The following HUS1B variants were observed in gnomAD, a reference collection of about 807,000 sequenced individuals.
HUS1B encodes checkpoint protein HUS1B.
For missense variants in HUS1B, 475 were observed against 390.4 expected, an observed-to-expected ratio of 1.22 and a Z score of -1.83; for synonymous variants, 207 against 176.2, an observed-to-expected ratio of 1.17 and a Z score of -1.38.
Position 656,179 on chromosome 6 carries a change from C to G in HUS1B, c.766G>C (p.Asp256His), listed in dbSNP as rs776657842. 6.2e-7 allele frequency: 1 copy of G among 1,614,106 alleles called. No individual in the cohort carries two copies. Among genetic ancestry groups the G allele is most frequent in the East Asian group, 2.2e-5 (1 of 44,878 alleles). ...HPTTALCNIW[D>H]NTLLQLVLVQ... Reference sequence around the variant, plus strand: ...AAAACAAGCTGAAGAAGAGTATTGTCCCAAATATTGCACAGGGCCGTCGTA... The same window carrying G: ...AAAACAAGCTGAAGAAGAGTATTGTGCCAAATATTGCACAGGGCCGTCGTA... The change falls in exon 1 of 1, where the codon GAC becomes CAC. Residue 256 changes from aspartate (D) to histidine (H), a missense_variant. Physicochemically the swap from Asp to His is moderately conservative, Grantham distance 81. Transcript: ENST00000380907.
chr6:656,780 C>T, the HUS1B span: 2 of 1,600,176 alleles, frequency 1.2e-6, no homozygotes, highest in South Asian at 2.2e-5. Context: ...GCACCTCGCA[C>T]CACAGCCTGG....
chr6:656,627 G>A lies in HUS1B; in HGVS notation c.318C>T (p.His106=). 6.2e-7 allele frequency: 1 copy of A among 1,605,246 alleles called. No individual in the cohort carries two copies. Among genetic ancestry groups the A allele is most frequent in the Non-Finnish European group, 8.5e-7 (1 of 1,176,036 alleles). ...CCACCGTGAGGGAGGGGCGGCGCTT[G>A]TGGGTCAGCTGCAGCTTCAGGGAGG... ...GASSLKLQLT[H]KRRPSLTVAV... The change falls in exon 1 of 1, where the codon CAC becomes CAT. Residue 106 remains histidine (H), a synonymous_variant. Transcript: ENST00000380907.
Position 656,500 on chromosome 6 carries a change from T to C in HUS1B, c.445A>G (p.Ser149Gly). 6.2e-7 allele frequency: 1 copy of C among 1,606,480 alleles called. No homozygotes were observed. Among genetic ancestry groups the C allele is most frequent in the East Asian group, 2.2e-5 (1 of 44,812 alleles). The change falls in exon 1 of 1, where the codon AGC (serine) becomes GGC (glycine). Residue 149 changes from serine to glycine, a missense_variant. Ser to Gly is a moderately conservative substitution (Grantham distance 56, BLOSUM62 0). Coordinates refer to ENST00000380907, the MANE Select transcript of HUS1B (RefSeq NM_148959.4). ...RRVWRDCLPP[S>G]LRASDASIRL... ...ATGCTCGCGTCGGAGGCGCGCAGGCTGGGCGGCAGGCAGTCCCGCCACACT... is the reference window on the plus strand; with the variant it reads ...ATGCTCGCGTCGGAGGCGCGCAGGCCGGGCGGCAGGCAGTCCCGCCACACT...
the HUS1B span, chr6:656,146 C>A: frequency 8.7e-6 from 14 of 1,613,718 alleles, no homozygotes; most frequent in Non-Finnish European, 1.2e-5. Context: ...GAGACATCTT[C>A]TTGAACCAAA....
chr6:657,004 T>G lies in HUS1B; in HGVS notation c.-60A>C. 1 of 1,372,970 alleles carries G rather than the reference T, an allele frequency of 7.3e-7. No individual in the cohort carries two copies. The highest frequency in any genetic ancestry group is 1.5e-5 in the South Asian group (1 of 66,366). 85.0% of individuals were successfully genotyped at this position (1,372,970 alleles called of 1,614,324 possible). On this transcript the variant is annotated 5_prime_UTR_variant, in exon 1 of 1. Coordinates refer to ENST00000380907, the MANE Select transcript of HUS1B (RefSeq NM_148959.4). ...GGGGATTCCGCGTGCCACAAGCCCT[T>G]CCGGTCCGCTGGGGTCCGTGGCGCT... is the stretch of plus-strand genomic sequence containing the variant.
rs575022583 is a variant in HUS1B at position 656,245 on chromosome 6, G to A, written c.700C>T (p.Arg234Trp). ...CCCTCCAAAAACTGCAGAAGCTTCC[G>A]ATTGTCCACCCGCACTTGCACCATG... is the stretch of plus-strand genomic sequence containing the variant. Reference protein sequence around the residue: ...ESMVQVRVDNRKLLQFLEGQQ... With the variant: ...ESMVQVRVDNWKLLQFLEGQQ... The change falls in exon 1 of 1, where the codon CGG becomes TGG. Residue 234 changes from arginine to tryptophan, a missense_variant. By Grantham distance (101) the Arg-to-Trp change is moderately radical. Coordinates refer to ENST00000380907, the MANE Select transcript of HUS1B (RefSeq NM_148959.4). The A allele has an allele frequency of 3.1e-6, 5 of 1,614,190 alleles. No homozygotes were observed. In the South Asian group the frequency reaches 4.4e-5, roughly 14 times the overall value.
Position 656,555 on chromosome 6 carries a change from G to C in HUS1B, c.390C>G (p.His130Gln). 6.3e-7 allele frequency: 1 copy of C among 1,596,500 alleles called. No individual in the cohort carries two copies. The highest frequency in any genetic ancestry group is 8.5e-7 in the Non-Finnish European group (1 of 1,172,436). ...TGGGAAGCACCCGCACGGGCAGATC[G>C]TGCACCACGCTGCGAGCGCGGCCCA... ...SSLGRARSVV[H>Q]DLPVRVLPRR... The change falls in exon 1 of 1, where the codon CAC becomes CAG. Residue 130 changes from histidine (H) to glutamine (Q), a missense_variant. By Grantham distance (24) the His-to-Gln change is conservative. Transcript: ENST00000380907.
In HUS1B at chr6:657,021, C is replaced by T. The variant is rs1274534381; in HGVS notation, c.-77G>A. Reference sequence around the variant, plus strand: ...CAAGCCCTTCCGGTCCGCTGGGGTCCGTGGCGCTGCCCTCCCCGCCCTCCC... The same window carrying T: ...CAAGCCCTTCCGGTCCGCTGGGGTCTGTGGCGCTGCCCTCCCCGCCCTCCC... On this transcript the variant is annotated 5_prime_UTR_variant, in exon 1 of 1. Transcript: ENST00000380907. The T allele has an allele frequency of 6.4e-6, 8 of 1,247,026 alleles. No homozygotes were observed. The highest frequency in any genetic ancestry group is 1.7e-5 in the South Asian group (1 of 59,576). 77.2% of individuals were successfully genotyped at this position (1,247,026 alleles called of 1,614,324 possible).
In HUS1B at chr6:656,456, C is replaced by T. The variant is rs1382611484; in HGVS notation, c.489G>A (p.Arg163=). Residue 163 remains arginine (R), a synonymous_variant, in exon 1 of 1, where the codon AGG becomes AGA. Transcript: ENST00000380907. ...SDASIRLPRW[R]TLRSIVERMA... Reference sequence around the variant, plus strand: ...TCCTCTCCACGATGCTCCTCAGCGTCCTCCAGCGCGGCAGGCGGATGCTCG... The same window carrying T: ...TCCTCTCCACGATGCTCCTCAGCGTTCTCCAGCGCGGCAGGCGGATGCTCG... 6.2e-7 allele frequency: 1 copy of T among 1,612,912 alleles called. No homozygotes were observed. Among genetic ancestry groups the T allele is most frequent in the Admixed American group, 1.7e-5 (1 of 60,020 alleles).
In HUS1B at chr6:656,140, C is replaced by G. The variant is rs1763066672; in HGVS notation, c.805G>C (p.Val269Leu). The G allele has an allele frequency of 6.2e-7, 1 of 1,612,820 alleles. No individual in the cohort carries two copies. Among genetic ancestry groups the G allele is most frequent in the Non-Finnish European group, 8.5e-7 (1 of 1,178,866 alleles). The change falls in exon 1 of 1, where the codon GTC becomes CTC. Residue 269 changes from valine to leucine, a missense_variant. Physicochemically the swap from Val to Leu is conservative, Grantham distance 32 (BLOSUM62 1). Transcript: ENST00000380907. ...GCAGGAATGAAATACTGAAGAGAGA[C>G]ATCTTCTTGAACCAAAACAAGCTGA... ...LLQLVLVQED[V>L]SLQYFIPAL
chr6:656,623 G>A lies in HUS1B; in HGVS notation c.322C>T (p.Arg108Cys). 5.6e-6 allele frequency: 9 copies of A among 1,603,896 alleles called. No individual in the cohort carries two copies. Among genetic ancestry groups the A allele is most frequent in the African/African-American group, 1.3e-5 (1 of 74,816 alleles). The part of the protein sequence containing the change: ...SSLKLQLTHK[R>C]RPSLTVAVEL... ...ACCGCCACCGTGAGGGAGGGGCGGCGCTTGTGGGTCAGCTGCAGCTTCAGG... is the reference window on the plus strand; with the variant it reads ...ACCGCCACCGTGAGGGAGGGGCGGCACTTGTGGGTCAGCTGCAGCTTCAGG... The change falls in exon 1 of 1, where the codon CGC (arginine) becomes TGC (cysteine). Residue 108 changes from arginine (R) to cysteine (C), a missense_variant. Physicochemically the swap from Arg to Cys is radical, Grantham distance 180. Coordinates refer to ENST00000380907, the MANE Select transcript of HUS1B (RefSeq NM_148959.4).
chr6:656,903 C>G lies in HUS1B; in HGVS notation c.42G>C (p.Glu14Asp). The G allele has an allele frequency of 6.4e-7, 1 of 1,562,224 alleles. No homozygotes were observed. Among genetic ancestry groups the G allele is most frequent in the Non-Finnish European group, 8.7e-7 (1 of 1,151,136 alleles). Residue 14 changes from glutamate to aspartate, a missense_variant, in exon 1 of 1, where the codon GAG becomes GAC. Physicochemically the swap from Glu to Asp is conservative, Grantham distance 45. Transcript: ENST00000380907. The stretch of plus-strand genomic sequence containing the variant: ...CGGTGCCGCTGACGTGAATGAACAG[C>G]TCTAGACAGCCTTTGCCGGTGATCT... Reference protein sequence around the residue: ...RAKITGKGCLELFIHVSGTVA... With the variant: ...RAKITGKGCLDLFIHVSGTVA...
rs765899948 is a variant in HUS1B, at chr6:656,273, C to T, written c.672G>A (p.Glu224=). 4 of 1,614,238 alleles carry T rather than the reference C, an allele frequency of 2.5e-6. No individual in the cohort carries two copies. Among genetic ancestry groups the T allele is most frequent in the Non-Finnish European group, 3.4e-6 (4 of 1,180,038 alleles). Residue 224 remains glutamate (E), a synonymous_variant, in exon 1 of 1, where the codon GAG becomes GAA. Transcript: ENST00000380907. ...AVGVPENRDL[E]SMVQVRVDNR... is the part of the protein sequence containing the mutation. ...TGTCCACCCGCACTTGCACCATGCT[C>T]TCCAGGTCTCTGTTTTCAGGCACAC...
Position 656,560 on chromosome 6 carries a change from C to A in HUS1B, c.385G>T (p.Val129Leu), listed in dbSNP as rs370937142. ...AGCACCCGCACGGGCAGATCGTGCA[C>A]CACGCTGCGAGCGCGGCCCAGGGAC... is the stretch of plus-strand genomic sequence containing the variant. ...VSSLGRARSV[V>L]HDLPVRVLPR... is the part of the protein sequence containing the mutation. Residue 129 changes from valine (V) to leucine (L), a missense_variant, in exon 1 of 1, where the codon GTG (valine) becomes TTG (leucine). By Grantham distance (32) the Val-to-Leu change is conservative. Transcript: ENST00000380907. 7.5e-6 allele frequency: 12 copies of A among 1,594,594 alleles called. No homozygotes were observed. In the African/African-American group the frequency reaches 1.3e-4, roughly 18 times the overall value.
chr6:656,479 TCG>T, the HUS1B span: 1 of 1,610,634 alleles, frequency 6.2e-7, no homozygotes, highest in Non-Finnish European at 8.5e-7. Flanking sequence ...AGGCGGATGC[TCG>T]CGTCGGAGGC....
In HUS1B at chr6:656,343, T is replaced by C. The variant is rs17136239; in HGVS notation, c.602A>G (p.Gln201Arg). Residue 201 changes from glutamine to arginine, a missense_variant, in exon 1 of 1, where the codon CAA becomes CGA. Gln to Arg is a conservative substitution (Grantham distance 43). Transcript: ENST00000380907. ...LSIETEVVSI[Q>R]SYFKNLGNPP... ...GTTTCCAAGATTTTTAAAATAACTT[T>C]GAATGGACACCACCTCCGTCTCTAT... is the stretch of plus-strand genomic sequence containing the variant. 0.08 allele frequency: 129,041 copies of C among 1,614,082 alleles called. 6,576 individuals carry two copies. The highest frequency in any genetic ancestry group is 0.19 in the South Asian group (17,043 of 91,082).
chr6:656,311 G>C lies in HUS1B; in HGVS notation c.634C>G (p.Gln212Glu). 6.2e-7 allele frequency: 1 copy of C among 1,614,164 alleles called. No individual in the cohort carries two copies. The stretch of plus-strand genomic sequence containing the variant: ...TTTTCAGGCACACCCACAGCCGACT[G>C]GGGAGGGTTTCCAAGATTTTTAAAA... ...SYFKNLGNPP[Q>E]SAVGVPENRD... The change falls in exon 1 of 1, where the codon CAG becomes GAG. Residue 212 changes from glutamine to glutamate, a missense_variant. Transcript: ENST00000380907.
At position 656,519 on chromosome 6, in the gene HUS1B, C is replaced by A; in HGVS notation, c.426G>T (p.Trp142Cys). The A allele has an allele frequency of 1.9e-6, 3 of 1,605,664 alleles. No individual in the cohort carries two copies. The highest frequency in any genetic ancestry group is 2.5e-6 in the Non-Finnish European group (3 of 1,177,964). The change falls in exon 1 of 1, where the codon TGG (tryptophan) becomes TGT (cysteine). Residue 142 changes from tryptophan (W) to cysteine (C), a missense_variant. Trp to Cys is a radical substitution (Grantham distance 215). Coordinates refer to ENST00000380907, the MANE Select transcript of HUS1B (RefSeq NM_148959.4). ...LPVRVLPRRVWRDCLPPSLRA... is the reference protein window; with the variant it reads ...LPVRVLPRRVCRDCLPPSLRA... ...GCAGGCTGGGCGGCAGGCAGTCCCG[C>A]CACACTCTCCTGGGAAGCACCCGCA...
In HUS1B at chr6:656,657, G is replaced by T; in HGVS notation, c.288C>A (p.Gly96=). ...TCAGCTGCAGCTTCAGGGAGGACGC[G>T]CCCGCTGCGCTTCTCGCCGCCCGGG... ...HLSRAARSAA[G]ASSLKLQLTH... is the part of the protein sequence containing the mutation. Residue 96 remains glycine (G), a synonymous_variant, in exon 1 of 1, where the codon GGC becomes GGA. Coordinates refer to ENST00000380907, the MANE Select transcript of HUS1B (RefSeq NM_148959.4). 1 of 1,606,932 alleles carries T rather than the reference G, an allele frequency of 6.2e-7. No individual in the cohort carries two copies. Among genetic ancestry groups the T allele is most frequent in the East Asian group, 2.2e-5 (1 of 44,674 alleles).
Sources: gnomAD v4.1 joint callset for allele counts on GRCh38, gnomAD v4.1.1 for gene constraint, MANE v1.5 for transcripts, NCBI Gene and HGNC (gene_info 2026-07-23, HGNC 2026-07-21) for gene names.